The following TBC1D2 variants were observed in gnomAD, a reference collection of about 807,000 sequenced individuals.
TBC1D2 encodes the protein TBC1 domain family member 2A.
In TBC1D2, 58 loss-of-function variants were observed where a neutral mutation model predicts 91.1. The observed-to-expected ratio is 0.64, with a 90% CI of 0.52 to 0.79. The LOEUF is 0.79. Ranked by LOEUF, TBC1D2 falls within the 30% of genes least tolerant of loss-of-function variation. TBC1D2 has a pLI of 0.00. For missense variants in TBC1D2, 1,080 were observed against 1,208.3 expected, an observed-to-expected ratio of 0.89 and a Z score of 1.57; for synonymous variants, 482 against 511.5, an observed-to-expected ratio of 0.94 and a Z score of 0.78.
chr9:98,246,531 T>C (rs1193735223), intron 2 of TBC1D2, among the ~76,000 whole-genome samples: 1 of 152,080 alleles, frequency 6.6e-6, no homozygotes, highest in East Asian at 1.9e-4. Context: ...ACCCTGAGGC[T>C]TGTGAGTGGG....
chr9:98,239,887 G>T (rs1006164298), intron 3 of TBC1D2, among the ~76,000 whole-genome samples: 2 of 151,944 alleles, frequency 1.3e-5, no homozygotes, highest in African/African-American at 2.4e-5. Context: ...TTTTCTTCTT[G>T]CGTATATTTT....
At chr9:98,210,452 C>T (rs867248190) in intron 8 of TBC1D2, among the ~76,000 whole-genome samples, 1 of 152,204 alleles carries the variant, frequency 6.6e-6, no homozygotes, top group South Asian at 2.1e-4. Flanking sequence ...GCCTGTGCCG[C>T]AAATGTACTA....
At chr9:98,203,429 T>C (rs751547089) in intron 9 of TBC1D2, 21 bp from the exon 10 acceptor site, 1 of 1,612,900 alleles carries the variant, frequency 6.2e-7, no homozygotes, top group East Asian at 2.2e-5. Context: ...AGGGAAGGCC[T>C]GGAGTGATTA....
At chr9:98,209,304 T>C (rs550764070) in intron 8 of TBC1D2, among the ~76,000 whole-genome samples, 160 bp from the exon 9 acceptor site, 1 of 152,222 alleles carries the variant, frequency 6.6e-6, no homozygotes, top group East Asian at 1.9e-4. Context: ...CAACCTCAGA[T>C]TGCGAATCTG....
intron 3 of TBC1D2, among the ~76,000 whole-genome samples, chr9:98,237,440 A>G (rs1829533203): frequency 6.6e-6 from 1 of 151,612 alleles, no homozygotes; most frequent in East Asian, 1.9e-4. Flanking sequence ...TTGCAACAGC[A>G]CCACTGTCTG....
chr9:98,201,456 C>T, intron 11 of TBC1D2, 23 bp downstream of exon 11: 1 of 1,606,732 alleles, frequency 6.2e-7, no homozygotes. Flanking sequence ...GGGCCCCCTG[C>T]CCATCCCCTG....
At chr9:98,230,870 G>C (rs993610688) in intron 4 of TBC1D2, among the ~76,000 whole-genome samples, 3 of 152,196 alleles carry the variant, frequency 2.0e-5, no homozygotes, top group African/African-American at 7.2e-5. Context: ...AACAGAGCGA[G>C]ACTCTGACTC....
chr9:98,244,823 A>G (rs989400568), intron 2 of TBC1D2, among the ~76,000 whole-genome samples: 6 of 152,212 alleles, frequency 3.9e-5, no homozygotes, highest in African/African-American at 1.4e-4. Flanking sequence ...AAACTTGGGA[A>G]TAGGTTAAGT....
At chr9:98,249,031 C>A (rs17766883) in intron 2 of TBC1D2, among the ~76,000 whole-genome samples, 25,148 of 152,104 alleles carry the variant, frequency 0.17, 2,122 homozygotes, top group Admixed American at 0.18. Context: ...GACATGGGAG[C>A]GGGCCGCTGC....
In TBC1D2 at chr9:98,233,682, A is replaced by G. The variant is rs556651740; in HGVS notation, c.648-133T>C. The G allele has an allele frequency of 1.8e-5, 25 of 1,387,746 alleles. No homozygotes were observed. The South Asian group carries it at 3.2e-4, about 18-fold the overall frequency. 86.0% of individuals were successfully genotyped at this position (1,387,746 alleles called of 1,614,324 possible). ...CATCCTGACTGGTCTCCCAGACTCC[A>G]GGCACCCTACATGATGCCTCCCCAT... On this transcript the variant is annotated intron_variant, in intron 3 of 12. Coordinates refer to ENST00000465784, the MANE Select transcript of TBC1D2 (RefSeq NM_001267571.2).
At chr9:98,247,241 C>T (rs113879652) in intron 2 of TBC1D2, among the ~76,000 whole-genome samples, 5,528 of 151,298 alleles carry the variant, frequency 0.037, 186 homozygotes, top group African/African-American at 0.083. Context: ...GCAGGAGAAT[C>T]GCTCGAACCT....
intron 6 of TBC1D2, among the ~76,000 whole-genome samples, chr9:98,219,097 T>G (rs1829035386): frequency 6.6e-6 from 1 of 152,170 alleles, no homozygotes; most frequent in Non-Finnish European, 1.5e-5. Context: ...AGGGAAAAGA[T>G]TCGGGAACTG....
In TBC1D2 at chr9:98,221,459, T is replaced by C. The variant is rs1003910082; in HGVS notation, c.979-231A>G. 1.1e-3 allele frequency among the ~76,000 whole-genome samples: 165 copies of C among 152,216 alleles called. 2 individuals carry two copies. The highest frequency in any genetic ancestry group is 2.6e-4 in the Non-Finnish European group (18 of 68,038). ...CTCCCAGCCAAGCCATGGTGAGGTG[T>C]AGCCAAGTAACTATTCTGCCTAAAT... On this transcript the variant is annotated intron_variant, in intron 5 of 12. Transcript: ENST00000465784.
chr9:98,225,887 A>G lies in TBC1D2; in HGVS notation c.978+3065T>C, dbSNP rs950656288. On this transcript the variant is annotated intron_variant, in intron 5 of 12. Coordinates refer to ENST00000465784, the MANE Select transcript of TBC1D2 (RefSeq NM_001267571.2). ...CTAAAGAGTCACGAAAGCCACTGGC[A>G]ATGGCCAGATCAGCTAGGATAAGAC... is the stretch of plus-strand genomic sequence containing the variant. Among the ~76,000 whole-genome samples the G allele has an allele frequency of 3.9e-5, 6 of 152,346 alleles. No individual in the cohort carries two copies. In the South Asian group the frequency reaches 1.0e-3, roughly 26 times the overall value.
intron 3 of TBC1D2, among the ~76,000 whole-genome samples, chr9:98,241,552 G>A (rs1324750331): frequency 6.6e-6 from 1 of 152,170 alleles, no homozygotes; most frequent in Admixed American, 6.5e-5. Context: ...AGTTACAGGA[G>A]GGAAGTTGCT....
intron 10 of TBC1D2, among the ~76,000 whole-genome samples, chr9:98,202,190 G>A (rs1388547641): frequency 1.3e-5 from 2 of 152,198 alleles, no homozygotes; most frequent in Non-Finnish European, 1.5e-5. Context: ...CTGCCTCGCC[G>A]GACATCAAGG....
At chr9:98,214,604 T>G (rs1828924966) in intron 6 of TBC1D2, among the ~76,000 whole-genome samples, 2 of 151,632 alleles carry the variant, frequency 1.3e-5, no homozygotes, top group South Asian at 4.2e-4. Context: ...CAAGGATGAC[T>G]CCGACGTGGC....
chr9:98,217,125 C>T (rs1828989195), intron 6 of TBC1D2, among the ~76,000 whole-genome samples: 1 of 152,194 alleles, frequency 6.6e-6, no homozygotes, highest in East Asian at 1.9e-4. Context: ...ACAGCAGTGG[C>T]AGTGGGTGGC....
intron 6 of TBC1D2, among the ~76,000 whole-genome samples, chr9:98,219,399 C>T (rs183218098): frequency 6.6e-5 from 10 of 152,138 alleles, no homozygotes; most frequent in African/African-American, 1.2e-4. Context: ...CTGCCCTCAC[C>T]GAGTAGTTCT....
Sources: gnomAD v4.1 joint callset for allele counts (sites outside exome capture counted in the v4.1 genomes callset) on GRCh38, gnomAD v4.1.1 for gene constraint, MANE v1.5 for transcripts, NCBI Gene and HGNC (gene_info 2026-07-23, HGNC 2026-07-21) for gene names.